The following SMAD1 variants were observed in gnomAD, a reference collection of about 807,000 sequenced individuals.
The protein encoded by SMAD1 is MAD, mothers against decapentaplegic homolog 1.
A neutral mutation model predicts 41.6 loss-of-function variants in SMAD1; 6 were observed. That is an observed-to-expected ratio of 0.14 (90% CI 0.08 to 0.28). SMAD1 has a LOEUF of 0.28. Among genes scored for constraint, SMAD1 ranks in the 10% least tolerant of loss-of-function variants. The pLI, the probability that SMAD1 is intolerant of heterozygous loss-of-function variation, is 1.00. For synonymous variants in SMAD1, 206 were observed against 203.2 expected (o/e 1.01, Z -0.12); for missense variants, 379 against 582.6 (o/e 0.65, Z 3.60).
Position 145,482,811 on chromosome 4 carries a change from A to G in SMAD1, c.-177+773A>G, listed in dbSNP as rs957309250. 3 of 151,630 alleles carry G rather than the reference A, an allele frequency of 2.0e-5. No individual in the cohort carries two copies. Among genetic ancestry groups the G allele is most frequent in the African/African-American group, 7.3e-5 (3 of 41,186 alleles). 9.4% of individuals were successfully genotyped at this position (151,630 alleles called of 1,614,324 possible). On this transcript the variant is annotated intron_variant, in intron 1 of 6. Coordinates refer to ENST00000302085, the MANE Select transcript of SMAD1 (RefSeq NM_005900.3). This position sits in a 1 kb window ranked among gnomAD's most constrained non-coding sequence, Gnocchi z 4.2. ...TTACCGGAGTCGATTGCCTCACTGC[A>G]TGTGTATTCGTGAGTTCGCGGTTGA... is the stretch of plus-strand genomic sequence containing the variant.
chr4:145,544,990 T>C (rs1445273766), intron 4 of SMAD1: 1 of 152,188 alleles, frequency 6.6e-6, no homozygotes, highest in African/African-American at 2.4e-5. Flanking sequence ...TTTTCCTTTA[T>C]AGTTTATAGT....
intron 1 of SMAD1, among the ~76,000 whole-genome samples, chr4:145,507,018 A>G (rs534464446): frequency 1.3e-5 from 2 of 152,248 alleles, no homozygotes; most frequent in South Asian, 4.2e-4. Flanking sequence ...AATCCTTCCC[A>G]TGGGTGAGAC....
chr4:145,488,229 A>G (rs1463485696), intron 1 of SMAD1, among the ~76,000 whole-genome samples: 1 of 152,172 alleles, frequency 6.6e-6, no homozygotes, highest in Non-Finnish European at 1.5e-5. Context: ...ACAATTGTTA[A>G]TTATGCATGT....
chr4:145,537,740 C>T (rs1169865176), intron 2 of SMAD1, among the ~76,000 whole-genome samples: 2 of 152,068 alleles, frequency 1.3e-5, no homozygotes. Flanking sequence ...AAATACATTG[C>T]CCTTTGCTGT....
rs984973826 is a variant in SMAD1 at position 145,558,078 on chromosome 4, A to G, written c.*144A>G. The G allele has an allele frequency of 3.1e-5, 13 of 413,168 alleles. No individual in the cohort carries two copies. The highest frequency in any genetic ancestry group is 1.6e-4 in the African/African-American group (7 of 44,464). 25.6% of individuals were successfully genotyped at this position (413,168 alleles called of 1,614,324 possible). ...CCAACTGTTGGATTCAGAAATTTAA[A>G]CAAAAAAAAAAAAAAACACACACAC... On this transcript the variant is annotated 3_prime_UTR_variant, in exon 7 of 7. Transcript: ENST00000302085.
At chr4:145,503,171 A>T (rs1351501620) in intron 1 of SMAD1, among the ~76,000 whole-genome samples, 1 of 152,186 alleles carries the variant, frequency 6.6e-6, no homozygotes, top group East Asian at 1.9e-4. Context: ...CCATGTTTGG[A>T]AGTAGCCAGA....
Position 145,554,001 on chromosome 4 carries a change from G to A in SMAD1, c.1215G>A (p.Glu405=), listed in dbSNP as rs756178862. Residue 405 remains glutamate, a synonymous_variant, in exon 6 of 7, where the codon GAG becomes GAA. Transcript: ENST00000302085. ...ACCATGGATTTGAGACAGTCTATGA[G>A]CTTACAAAAATGTGTACTATACGTA... ...SVNHGFETVY[E]LTKMCTIRMS... 6.2e-7 allele frequency: 1 copy of A among 1,613,776 alleles called. No homozygotes were observed. The highest frequency in any genetic ancestry group is 8.5e-7 in the Non-Finnish European group (1 of 1,179,952).
intron 1 of SMAD1, among the ~76,000 whole-genome samples, chr4:145,513,575 C>G (rs184634545): frequency 6.6e-6 from 1 of 152,100 alleles, no homozygotes; most frequent in Non-Finnish European, 1.5e-5. Flanking sequence ...GTCCTGTAGC[C>G]CATAGACACA....
In SMAD1 at chr4:145,558,075, T is replaced by G; in HGVS notation, c.*141T>G. 1 of 314,286 alleles carries G rather than the reference T, an allele frequency of 3.2e-6. No homozygotes were observed. Among genetic ancestry groups the G allele is most frequent in the African/African-American group, 2.6e-5 (1 of 38,186 alleles). The allele number at this position is 314,286 out of a possible 1,614,324, so 19.5% of individuals were successfully genotyped here. A position where few individuals can be genotyped will look rare whatever the true frequency, so the allele number is the denominator to read the frequency against. ...TGACCAACTGTTGGATTCAGAAATT[T>G]AAACAAAAAAAAAAAAAAACACACA... is the stretch of plus-strand genomic sequence containing the variant. On this transcript the variant is annotated 3_prime_UTR_variant, in exon 7 of 7. Transcript: ENST00000302085.
intron 1 of SMAD1, among the ~76,000 whole-genome samples, chr4:145,508,523 T>C (rs1204587491): frequency 6.6e-6 from 1 of 152,024 alleles, no homozygotes; most frequent in Non-Finnish European, 1.5e-5. Flanking sequence ...AACTGGTTAA[T>C]AGATAAACAG....
At chr4:145,555,675 C>T (rs1385691083) in intron 6 of SMAD1, among the ~76,000 whole-genome samples, 1 of 152,100 alleles carries the variant, frequency 6.6e-6, no homozygotes, top group Non-Finnish European at 1.5e-5. Context: ...GTAAAAACAA[C>T]CTTTACACTA....
chr4:145,543,595 T>A (rs952725862), intron 4 of SMAD1, among the ~76,000 whole-genome samples: 42 of 152,202 alleles, frequency 2.8e-4, no homozygotes, highest in Admixed American at 2.6e-3. Context: ...CCCCCTTTAG[T>A]AAAGGGTGGG....
chr4:145,516,076 C>G (rs539296278), intron 2 of SMAD1, among the ~76,000 whole-genome samples: 99 of 152,130 alleles, frequency 6.5e-4, no homozygotes, highest in Non-Finnish European at 4.9e-4. Flanking sequence ...ATCTCTGTAT[C>G]CCCTACTCAT....
At chr4:145,498,451 G>T (rs1729222509) in intron 1 of SMAD1, among the ~76,000 whole-genome samples, 1 of 151,976 alleles carries the variant, frequency 6.6e-6, no homozygotes, top group Non-Finnish European at 1.5e-5. Flanking sequence ...TCATAATGCT[G>T]TCTTCTAGAG....
chr4:145,535,331 C>T (rs1731553078), intron 2 of SMAD1, among the ~76,000 whole-genome samples: 1 of 152,166 alleles, frequency 6.6e-6, no homozygotes, highest in Non-Finnish European at 1.5e-5. Flanking sequence ...ATTTCCACAT[C>T]TAGGAATTTG....
chr4:145,553,397 A>G (rs1166386074), intron 5 of SMAD1, among the ~76,000 whole-genome samples: 1 of 152,170 alleles, frequency 6.6e-6, no homozygotes. Flanking sequence ...TAGTTTCAGG[A>G]TGAAACTGTT....
At chr4:145,524,613 G>A (rs1730930153) in intron 2 of SMAD1, among the ~76,000 whole-genome samples, 1 of 151,948 alleles carries the variant, frequency 6.6e-6, no homozygotes, top group Non-Finnish European at 1.5e-5. Flanking sequence ...CTTTCCTGAC[G>A]TTTGTCTTCT....
chr4:145,525,287 G>A (rs2126461280), intron 2 of SMAD1, among the ~76,000 whole-genome samples: 1 of 152,328 alleles, frequency 6.6e-6, no homozygotes, highest in East Asian at 1.9e-4. Context: ...GAAAGACTAA[G>A]CATCATGACT....
upstream of SMAD1, chr4:145,481,260 T>C (rs1341177987): frequency 1.3e-5 from 2 of 152,176 alleles, no homozygotes. Context: ...AACGCATCTG[T>C]TGACTCAGGG....
Sources: allele counts gnomAD v4.1 joint callset (sites outside exome capture counted in the v4.1 genomes callset), GRCh38; gene constraint gnomAD v4.1.1; non-coding constraint Gnocchi (gnomAD v3.1); transcripts MANE v1.5; gene names NCBI Gene and HGNC (gene_info 2026-07-23, HGNC 2026-07-21).